PTPRT: variants seen among roughly 807,000 people sequenced by gnomAD.
PTPRT encodes protein tyrosine phosphatase receptor type T.
PTPRT carries 56 observed loss-of-function variants against 176.8 expected under a neutral mutation model. The observed-to-expected ratio is 0.32, with a 90% CI of 0.26 to 0.40. The LOEUF is 0.40. Among genes scored for constraint, PTPRT ranks in the 10% least tolerant of loss-of-function variants. PTPRT has a pLI of 1.00. For synonymous variants in PTPRT, 783 were observed against 739.0 expected (o/e 1.06, Z -0.96); for missense variants, 1,540 against 1,908.2 (o/e 0.81, Z 3.60).
At chr20:42,561,124 AG>A (rs1271123850) in intron 7 of PTPRT, among the ~76,000 whole-genome samples, 2 of 152,224 alleles carry the variant, frequency 1.3e-5, no homozygotes, top group Non-Finnish European at 2.9e-5. Context: ...GCTACATTTA[AG>A]GACTGTAACA....
intron 8 of PTPRT, among the ~76,000 whole-genome samples, chr20:42,459,131 C>T (rs2070973857): frequency 6.6e-6 from 1 of 152,178 alleles, no homozygotes; most frequent in Non-Finnish European, 1.5e-5. Context: ...GCTGAAGGAA[C>T]CATCCTGCTT....
At chr20:43,149,134 G>A (rs977026664) in intron 1 of PTPRT, among the ~76,000 whole-genome samples, 1 of 152,100 alleles carries the variant, frequency 6.6e-6, no homozygotes. Context: ...TGCAATTATA[G>A]AATAGTATAT....
At chr20:43,176,845 G>A (rs947736293) in intron 1 of PTPRT, among the ~76,000 whole-genome samples, 1 of 152,256 alleles carries the variant, frequency 6.6e-6, no homozygotes, top group Admixed American at 6.5e-5. Flanking sequence ...ATATAGAAGG[G>A]AAGCTGCATA....
At chr20:42,741,366 T>A (rs932821969) in intron 6 of PTPRT, among the ~76,000 whole-genome samples, 3 of 152,118 alleles carry the variant, frequency 2.0e-5, no homozygotes, top group Non-Finnish European at 4.4e-5. Context: ...TTTTTTGAGA[T>A]GGAGTCTTGC....
At chr20:42,122,734 C>T (rs1987651263) in intron 19 of PTPRT, among the ~76,000 whole-genome samples, 1 of 152,240 alleles carries the variant, frequency 6.6e-6, no homozygotes, top group Non-Finnish European at 1.5e-5. Context: ...CTTCCTCTTG[C>T]ACACTGAGTG....
chr20:43,017,513 C>G (rs1282407355), intron 1 of PTPRT, among the ~76,000 whole-genome samples: 1 of 152,210 alleles, frequency 6.6e-6, no homozygotes, highest in Non-Finnish European at 1.5e-5. Context: ...CCCTCTGCAT[C>G]TGTTTGTCCC....
intron 1 of PTPRT, among the ~76,000 whole-genome samples, chr20:42,933,280 T>C (rs560750533): frequency 6.6e-6 from 1 of 152,334 alleles, no homozygotes; most frequent in East Asian, 1.9e-4. Flanking sequence ...CAACCCAATT[T>C]ATTTGCCTGC....
intron 1 of PTPRT, among the ~76,000 whole-genome samples, chr20:43,038,756 G>C (rs1986485917): frequency 6.6e-6 from 1 of 152,056 alleles, no homozygotes; most frequent in African/African-American, 2.4e-5. Context: ...ATAGGAGCCA[G>C]ATATAAAATA....
chr20:42,581,975 T>G (rs775390281), intron 7 of PTPRT, among the ~76,000 whole-genome samples: 2 of 152,126 alleles, frequency 1.3e-5, no homozygotes, highest in Non-Finnish European at 2.9e-5. Flanking sequence ...GGGAAACAAA[T>G]CGGCACTTGG....
intron 1 of PTPRT, among the ~76,000 whole-genome samples, chr20:43,058,538 C>T (rs1987331009): frequency 6.6e-6 from 1 of 152,190 alleles, no homozygotes; most frequent in African/African-American, 2.4e-5. Context: ...CGGCCCCACA[C>T]CATAGGCCCA....
chr20:42,627,231 C>T (rs1210287875), intron 7 of PTPRT, among the ~76,000 whole-genome samples: 3 of 151,654 alleles, frequency 2.0e-5, no homozygotes, highest in East Asian at 3.9e-4. Flanking sequence ...AAAAGTAGCA[C>T]TAATGTGGTA....
intron 7 of PTPRT, among the ~76,000 whole-genome samples, chr20:42,487,079 C>T (rs986789745): frequency 2.6e-5 from 4 of 152,130 alleles, no homozygotes; most frequent in South Asian, 2.1e-4. Context: ...CTTGATCCCC[C>T]GAGGGAGGAA....
At chr20:42,899,238 C>T (rs2079357314) in intron 1 of PTPRT, among the ~76,000 whole-genome samples, 1 of 152,254 alleles carries the variant, frequency 6.6e-6, no homozygotes, top group African/African-American at 2.4e-5. Context: ...GCGAAAGAAA[C>T]AGATGGCCAT....
At chr20:42,854,201 C>T (rs895179039) in intron 2 of PTPRT, among the ~76,000 whole-genome samples, 1 of 152,054 alleles carries the variant, frequency 6.6e-6, no homozygotes, top group African/African-American at 2.4e-5. Context: ...CATTTGTTTC[C>T]TTTTATTTGT....
intron 16 of PTPRT, among the ~76,000 whole-genome samples, chr20:42,179,879 G>C (rs1990442916): frequency 6.6e-6 from 1 of 152,196 alleles, no homozygotes; most frequent in Non-Finnish European, 1.5e-5. Flanking sequence ...GAATAGCCAA[G>C]TATAGCCAGC....
At chr20:42,786,013 T>C (rs1391729098) in intron 3 of PTPRT, among the ~76,000 whole-genome samples, 1 of 152,180 alleles carries the variant, frequency 6.6e-6, no homozygotes, top group Non-Finnish European at 1.5e-5. Context: ...CCCCATACTG[T>C]TCTTGTGATA....
chr20:42,938,031 TATC>T (rs1214813205), intron 1 of PTPRT, among the ~76,000 whole-genome samples: 8 of 152,246 alleles, frequency 5.3e-5, no homozygotes, highest in Admixed American at 2.6e-4. Context: ...TTAAAGATTT[TATC>T]ATCAATGATT....
intron 6 of PTPRT, chr20:42,688,156 G>A (rs1276370161): frequency 6.6e-6 from 1 of 152,194 alleles, no homozygotes; most frequent in Non-Finnish European, 1.5e-5. Flanking sequence ...TGGAGACTGG[G>A]ATGCTGGAAG....
chr20:43,090,591 A>T (rs2011800916), intron 1 of PTPRT, among the ~76,000 whole-genome samples: 1 of 152,126 alleles, frequency 6.6e-6, no homozygotes, highest in African/African-American at 2.4e-5. Context: ...TTTGAAAAGC[A>T]ATTAAAACTC....
Sources: gnomAD v4.1 joint callset for allele counts (sites outside exome capture counted in the v4.1 genomes callset) on GRCh38, gnomAD v4.1.1 for gene constraint, MANE v1.5 for transcripts, NCBI Gene and HGNC (gene_info 2026-07-23, HGNC 2026-07-21) for gene names.